The following ECPAS variants were observed in gnomAD, a reference collection of about 807,000 sequenced individuals.
ECPAS encodes Ecm29 proteasome adaptor and scaffold.
In ECPAS, 70 loss-of-function variants were observed where a neutral mutation model predicts 255.1. The ratio of observed to expected loss-of-function variants is 0.27; its 90% CI spans 0.23 to 0.33. ECPAS has a LOEUF of 0.33. Ranked by LOEUF, ECPAS falls within the 10% of genes least tolerant of loss-of-function variation. ECPAS has a pLI of 1.00. For missense variants in ECPAS, 1,817 were observed against 2,206.4 expected, an observed-to-expected ratio of 0.82 and a Z score of 3.54; for synonymous variants, 784 against 775.0, an observed-to-expected ratio of 1.01 and a Z score of -0.19.
chr9:111,407,027 C>A (rs2098184982), intron 24 of ECPAS, among the ~76,000 whole-genome samples: 1 of 148,594 alleles, frequency 6.7e-6, no homozygotes, highest in East Asian at 2.0e-4. Flanking sequence ...TTCCATATTT[C>A]TAGCTTTTCA....
chr9:111,403,798 T>C (rs1488196621), intron 24 of ECPAS, among the ~76,000 whole-genome samples: 8 of 149,880 alleles, frequency 5.3e-5, no homozygotes, highest in Admixed American at 5.3e-4. Flanking sequence ...CCAACTGCTA[T>C]AGAATACACG....
chr9:111,425,151 A>G (rs1343898849), intron 12 of ECPAS, among the ~76,000 whole-genome samples: 1 of 151,492 alleles, frequency 6.6e-6, no homozygotes, highest in Non-Finnish European at 1.5e-5. Flanking sequence ...ATGCCATTGC[A>G]CTCCAGCCTG....
intron 45 of ECPAS, 22 bp downstream of exon 45, chr9:111,370,413 C>G (rs759672905): frequency 6.7e-7 from 1 of 1,486,530 alleles, no homozygotes; most frequent in Non-Finnish European, 9.1e-7. Flanking sequence ...TAAACCAGAA[C>G]TGAGGATACA....
Position 111,444,371 on chromosome 9 carries a change from C to A in ECPAS, c.270+7G>T. On this transcript the variant is annotated splice_region_variant and intron_variant, in intron 4 of 49. Coordinates refer to ENST00000684092, the MANE Select transcript of ECPAS (RefSeq NM_001364929.1). The stretch of plus-strand genomic sequence containing the variant: ...TAAGTCAGAAAATATTCCAATACAA[C>A]ACTCACTGTGACAAAGGAAACTGCA... The A allele has an allele frequency of 6.4e-7, 1 of 1,572,460 alleles. No individual in the cohort carries two copies. The highest frequency in any genetic ancestry group is 8.7e-7 in the Non-Finnish European group (1 of 1,145,964).
At chr9:111,457,891 C>T (rs1180842226) in intron 2 of ECPAS, among the ~76,000 whole-genome samples, 1 of 152,134 alleles carries the variant, frequency 6.6e-6, no homozygotes, top group Non-Finnish European at 1.5e-5. Context: ...CAAACATATA[C>T]AGACAACGTT....
rs746848607 is a variant in ECPAS, at chr9:111,374,009, T to C, written c.4140A>G (p.Leu1380=). The change falls in exon 39 of 50, where the codon TTA becomes TTG. Residue 1380 remains leucine, a synonymous_variant. Transcript: ENST00000684092. ...KGGCASVIVS[L]TTQCPQDLTP... ...TTAGGTCCTGAGGACACTGAGTAGT[T>C]AATGACACAATGACACTGGCACAGC... The C allele has an allele frequency of 1.2e-6, 2 of 1,613,522 alleles. No individual in the cohort carries two copies. Among genetic ancestry groups the C allele is most frequent in the Non-Finnish European group, 1.7e-6 (2 of 1,179,472 alleles).
In ECPAS at chr9:111,412,085, C is replaced by A; in HGVS notation, c.2143G>T (p.Val715Leu). The A allele has an allele frequency of 6.3e-7, 1 of 1,599,146 alleles. No individual in the cohort carries two copies. Among genetic ancestry groups the A allele is most frequent in the Non-Finnish European group, 8.5e-7 (1 of 1,175,460 alleles). Residue 715 changes from valine (V) to leucine (L), a missense_variant, in exon 21 of 50, where the codon GTA becomes TTA. Physicochemically the swap from Val to Leu is conservative, Grantham distance 32. Transcript: ENST00000684092. ...AACTCATTCCCCGACACTGTTGATACCACTACAGAATAAAACAACGCTGCC... is the reference window on the plus strand; with the variant it reads ...AACTCATTCCCCGACACTGTTGATAACACTACAGAATAAAACAACGCTGCC... ...ELAALFYSVV[V>L]STVSGNELKS...
Position 111,373,401 on chromosome 9 carries a change from G to T in ECPAS, c.4183C>A (p.Leu1395Ile), listed in dbSNP as rs775269540. 8 of 1,612,938 alleles carry T rather than the reference G, an allele frequency of 5.0e-6. No individual in the cohort carries two copies. The highest frequency in any genetic ancestry group is 6.8e-6 in the Non-Finnish European group (8 of 1,179,408). Residue 1395 changes from leucine (L) to isoleucine (I), a missense_variant, in exon 40 of 50, where the codon CTT becomes ATT. Coordinates refer to ENST00000684092, the MANE Select transcript of ECPAS (RefSeq NM_001364929.1). ...AGGCCACTCAGCAAAGCACTCATAA[G>T]TTTACCTACCAGAAATAAAGAGAAA... ...PQDLTPYSGKLMSALLSGLTD... is the reference protein window; with the variant it reads ...PQDLTPYSGKIMSALLSGLTD...
chr9:111,372,124 A>G (rs989055332), intron 42 of ECPAS, among the ~76,000 whole-genome samples: 1 of 152,222 alleles, frequency 6.6e-6, no homozygotes, highest in Admixed American at 6.5e-5. Flanking sequence ...CTCTAAGGCC[A>G]CATAAAATCA....
Position 111,422,164 on chromosome 9 carries a change from A to G in ECPAS, c.1302T>C (p.Leu434=). 6.2e-7 allele frequency: 1 copy of G among 1,613,320 alleles called. No individual in the cohort carries two copies. The highest frequency in any genetic ancestry group is 8.5e-7 in the Non-Finnish European group (1 of 1,179,330). ...AAAGGGCTTCAAAAAGCTGCTGCAC[A>G]AGCGCTATATCCTTAGTGAATAAAT... ...MPHLFTKDIA[L]VQQLFEALCK... is the part of the protein sequence containing the mutation. Residue 434 remains leucine (L), a synonymous_variant, in exon 14 of 50, where the codon CTT becomes CTC. Coordinates refer to ENST00000684092, the MANE Select transcript of ECPAS (RefSeq NM_001364929.1).
intron 9 of ECPAS, among the ~76,000 whole-genome samples, chr9:111,428,446 A>G (rs534693342): frequency 1.3e-5 from 2 of 152,266 alleles, no homozygotes; most frequent in African/African-American, 2.4e-5. Context: ...AAAAATAACT[A>G]TTTTCCAAAG....
At chr9:111,403,543 A>T (rs2098179468) in intron 24 of ECPAS, among the ~76,000 whole-genome samples, 1 of 149,946 alleles carries the variant, frequency 6.7e-6, no homozygotes, top group South Asian at 2.1e-4. Context: ...TAAAGGGCTC[A>T]ATTCAGCAAG....
At chr9:111,440,574 C>T in intron 5 of ECPAS, 53 bp from the exon 6 acceptor site, 2 of 1,391,612 alleles carry the variant, frequency 1.4e-6, no homozygotes, top group Non-Finnish European at 1.9e-6. Context: ...GATTTTTATA[C>T]ATGCAAAACA....
At chr9:111,386,041 CCT>C in intron 32 of ECPAS, among the ~76,000 whole-genome samples, 1 of 152,312 alleles carries the variant, frequency 6.6e-6, no homozygotes, top group East Asian at 1.9e-4. Flanking sequence ...CTCACTGCAA[CCT>C]CTGCCCCCTG....
At chr9:111,389,450 G>A in intron 31 of ECPAS, 106 bp downstream of exon 31, 2 of 1,020,266 alleles carry the variant, frequency 2.0e-6, no homozygotes, top group Non-Finnish European at 2.7e-6. Flanking sequence ...GTTTAAACAA[G>A]TAAACATAAA....
chr9:111,477,022 G>A (rs569525678), intron 1 of ECPAS, among the ~76,000 whole-genome samples: 6 of 151,726 alleles, frequency 4.0e-5, no homozygotes, highest in East Asian at 1.9e-4. Flanking sequence ...GGCTGGTCTC[G>A]AACTCCCAAC....
chr9:111,367,752 A>G (rs531940521), intron 46 of ECPAS, among the ~76,000 whole-genome samples: 1 of 152,246 alleles, frequency 6.6e-6, no homozygotes, highest in South Asian at 2.1e-4. Context: ...ATAACATTCA[A>G]TAATATTGTC....
intron 26 of ECPAS, 65 bp from the exon 27 acceptor site, chr9:111,393,799 C>T: frequency 8.8e-7 from 1 of 1,133,122 alleles, no homozygotes. Flanking sequence ...AAGAGTCTTG[C>T]TCTCACCGTG....
chr9:111,449,177 T>C (rs1564553112), intron 3 of ECPAS, among the ~76,000 whole-genome samples: 1 of 152,252 alleles, frequency 6.6e-6, no homozygotes, highest in Non-Finnish European at 1.5e-5. Flanking sequence ...CAGGTTATTA[T>C]ATAAATTAAA....
Sources: gnomAD v4.1 joint callset for allele counts (sites outside exome capture counted in the v4.1 genomes callset) on GRCh38, gnomAD v4.1.1 for gene constraint, MANE v1.5 for transcripts, NCBI Gene and HGNC (gene_info 2026-07-23, HGNC 2026-07-21) for gene names.